TNIP1: variants seen among roughly 807,000 people sequenced by gnomAD.
The protein encoded by TNIP1 is TNFAIP3-interacting protein 1.
A neutral mutation model predicts 86.6 loss-of-function variants in TNIP1; 22 were observed. The ratio of observed to expected loss-of-function variants is 0.25; its 90% CI spans 0.18 to 0.36. The LOEUF is 0.36. TNIP1 is among the 10% of genes least tolerant of loss of function. TNIP1 has a pLI of 1.00. For synonymous variants in TNIP1, 294 were observed against 313.0 expected (o/e 0.94, Z 0.64); for missense variants, 709 against 820.6 (o/e 0.86, Z 1.66).
At chr5:151,072,084 G>A (rs1215356892) in intron 1 of TNIP1, among the ~76,000 whole-genome samples, 1 of 152,242 alleles carries the variant, frequency 6.6e-6, no homozygotes, top group Non-Finnish European at 1.5e-5. Context: ...CAGACTCAGA[G>A]AAGTTAAGTC....
chr5:151,084,018 A>G (rs1462331190), upstream of TNIP1, among the ~76,000 whole-genome samples: 2 of 152,266 alleles, frequency 1.3e-5, no homozygotes, highest in Admixed American at 6.5e-5. Context: ...AAGGTCTTAC[A>G]GCACAGCAAG....
chr5:151,086,495 C>T (rs987381563), intron 1 of TNIP1, among the ~76,000 whole-genome samples: 1 of 152,134 alleles, frequency 6.6e-6, no homozygotes, highest in Non-Finnish European at 1.5e-5. Flanking sequence ...GAGGCAGCGC[C>T]GATTCTTGGC....
At chr5:151,036,995 G>C in intron 12 of TNIP1, 74 bp from the exon 13 acceptor site, 1 of 1,501,104 alleles carries the variant, frequency 6.7e-7, no homozygotes, top group East Asian at 2.3e-5. Context: ...GTCATCCTCA[G>C]GGAACTCCTT....
intron 10 of TNIP1, 23 bp downstream of exon 10, chr5:151,042,873 C>T (rs758987321): frequency 7.4e-5 from 119 of 1,612,814 alleles, no homozygotes; most frequent in Middle Eastern, 1.9e-4. Context: ...GCCCTGTGGG[C>T]GTGGCCAGGA....
intron 9 of TNIP1, among the ~76,000 whole-genome samples, chr5:151,044,009 C>T (rs564921898): frequency 1.8e-4 from 27 of 152,056 alleles, no homozygotes; most frequent in East Asian, 7.7e-4. Context: ...AAAAAAATTA[C>T]AAAGAATTAA....
chr5:151,083,967 A>G (rs1278703052), upstream of TNIP1, among the ~76,000 whole-genome samples: 1 of 152,154 alleles, frequency 6.6e-6, no homozygotes, highest in East Asian at 1.9e-4. Context: ...TCCACATTTC[A>G]CAGATGAAAC....
Position 151,060,388 on chromosome 5 carries a change from G to T in TNIP1, c.365C>A (p.Ser122Tyr), listed in dbSNP as rs1561515691. ...PVQKPPSSGT[S>Y]SEFEVVTPEE... ...AGGAGTGACCACTTCAAATTCAGAG[G>T]AGGTGCCCTGTGCAGAAAGGAAGTT... is the stretch of plus-strand genomic sequence containing the variant. Residue 122 changes from serine to tyrosine, a missense_variant, in exon 5 of 18, where the codon TCC becomes TAC. Ser to Tyr is a moderately radical substitution (Grantham distance 144). Transcript: ENST00000521591. The T allele has an allele frequency of 6.2e-7, 1 of 1,614,210 alleles. No individual in the cohort carries two copies. The highest frequency in any genetic ancestry group is 1.1e-5 in the South Asian group (1 of 91,084).
intron 6 of TNIP1, among the ~76,000 whole-genome samples, chr5:151,056,211 A>G (rs538591357): frequency 2.8e-4 from 42 of 152,228 alleles, no homozygotes; most frequent in Non-Finnish European, 5.0e-4. Flanking sequence ...GGCCTGGCCT[A>G]GCAAGGAAAT....
chr5:151,048,197 G>T (rs753711252), intron 8 of TNIP1, among the ~76,000 whole-genome samples: 1 of 152,290 alleles, frequency 6.6e-6, no homozygotes, highest in Non-Finnish European at 1.5e-5. Context: ...GGAGGAAGAG[G>T]GTGGATTCCA....
intron 6 of TNIP1, among the ~76,000 whole-genome samples, chr5:151,053,915 G>A (rs1477631889): frequency 6.6e-6 from 1 of 152,232 alleles, no homozygotes; most frequent in Non-Finnish European, 1.5e-5. Flanking sequence ...AGAGAAGGGA[G>A]AGAGATGGTG....
chr5:151,064,960 C>T lies in TNIP1; in HGVS notation c.136G>A (p.Gly46Arg), dbSNP rs1387759896. Residue 46 changes from glycine (G) to arginine (R), a missense_variant and splice_region_variant, in exon 2 of 18, where the codon GGG (glycine) becomes AGG (arginine). Transcript: ENST00000521591. ...KEKMQGIKML[G>R]ELLEESQMEA... ...AGGGAGGGGACAGGGTCTGCTTTAC[C>T]TAACATCTTTATCCCTTGCATTTTT... 6.2e-7 allele frequency: 1 copy of T among 1,614,152 alleles called. No homozygotes were observed. The highest frequency in any genetic ancestry group is 1.1e-5 in the South Asian group (1 of 91,082).
chr5:151,080,950 G>C lies in TNIP1; in HGVS notation c.-107C>G, dbSNP rs920629563. On this transcript the variant is annotated 5_prime_UTR_variant, in exon 1 of 18. Coordinates refer to ENST00000521591, the MANE Select transcript of TNIP1 (RefSeq NM_006058.5). ...CAGCCCCGAATCCAGGGACGGGGCA[G>C]CGGCCCGGGCAAGGCTCCGGCCCCC... 6.6e-6 allele frequency: 1 copy of C among 152,180 alleles called. No individual in the cohort carries two copies. The highest frequency in any genetic ancestry group is 1.9e-4 in the East Asian group (1 of 5,190). 9.4% of individuals were successfully genotyped at this position (152,180 alleles called of 1,614,324 possible).
chr5:151,051,939 T>C (rs928555573), intron 7 of TNIP1, among the ~76,000 whole-genome samples: 1 of 152,150 alleles, frequency 6.6e-6, no homozygotes, highest in African/African-American at 2.4e-5. Context: ...GCTGACCTTC[T>C]TCTGAAGCTC....
At chr5:151,032,146 C>T (rs1756984562) in intron 17 of TNIP1, 141 bp downstream of exon 17, 4 of 669,868 alleles carry the variant, frequency 6.0e-6, no homozygotes, top group Non-Finnish European at 1.0e-5. Context: ...CATTACTCTC[C>T]ATTCAACACT....
intron 1 of TNIP1, among the ~76,000 whole-genome samples, chr5:151,074,119 G>T (rs1245526811): frequency 6.6e-6 from 1 of 152,182 alleles, no homozygotes; most frequent in Non-Finnish European, 1.5e-5. Context: ...GAAGGGGAAA[G>T]GAAGGAGAGA....
Position 151,049,967 on chromosome 5 carries a change from A to C in TNIP1, c.723-20T>G, listed in dbSNP as rs1759692682. Reference sequence around the variant, plus strand: ...TCCTCCCTGGGATGGAGGTAAACAGAGAAATCACAATGCTGACCCTGAGTT... The same window carrying C: ...TCCTCCCTGGGATGGAGGTAAACAGCGAAATCACAATGCTGACCCTGAGTT... On this transcript the variant is annotated intron_variant, in intron 7 of 17. Transcript: ENST00000521591. 3.1e-6 allele frequency: 5 copies of C among 1,613,790 alleles called. No individual in the cohort carries two copies. Among genetic ancestry groups the C allele is most frequent in the African/African-American group, 1.3e-5 (1 of 75,034 alleles).
At chr5:151,069,057 C>G (rs1005894707) in intron 1 of TNIP1, among the ~76,000 whole-genome samples, 7 of 152,216 alleles carry the variant, frequency 4.6e-5, no homozygotes, top group East Asian at 1.9e-4. Flanking sequence ...GGGGCCCAGA[C>G]AGACGGCAGG....
intron 1 of TNIP1, among the ~76,000 whole-genome samples, chr5:151,071,298 G>A (rs1224129273): frequency 1.3e-5 from 2 of 152,226 alleles, no homozygotes; most frequent in South Asian, 2.1e-4. Context: ...GCAACAATGA[G>A]GCTGCAGACA....
intron 17 of TNIP1, among the ~76,000 whole-genome samples, chr5:151,031,525 C>T (rs979573980): frequency 6.6e-6 from 1 of 152,202 alleles, no homozygotes; most frequent in Non-Finnish European, 1.5e-5. Context: ...ATGGTGGACA[C>T]CATGGTCAGG....
Sources: allele counts gnomAD v4.1 joint callset (sites outside exome capture counted in the v4.1 genomes callset), GRCh38; gene constraint gnomAD v4.1.1; transcripts MANE v1.5; gene names NCBI Gene and HGNC (gene_info 2026-07-23, HGNC 2026-07-21).